Variants in ETV6 observed in about 807,000 individuals in gnomAD.
ETV6 encodes the protein transcription factor ETV6.
In ETV6, 16 loss-of-function variants were observed where a neutral mutation model predicts 51.1. The observed-to-expected ratio is 0.31, with a 90% CI of 0.21 to 0.48. The LOEUF is 0.48. ETV6 is among the 20% of genes least tolerant of loss of function. The probability of loss-of-function intolerance (pLI) is 0.99; values close to 1 mark genes in which losing one functional copy is unlikely to be tolerated. For missense variants in ETV6, 458 were observed against 594.8 expected (o/e 0.77, Z 2.39); for synonymous variants, 240 against 224.1 (o/e 1.07, Z -0.64).
At chr12:11,668,863 C>G (rs557567836) in intron 1 of ETV6, among the ~76,000 whole-genome samples, 9 of 152,268 alleles carry the variant, frequency 5.9e-5, no homozygotes, top group African/African-American at 2.2e-4. Flanking sequence ...ACGTTGTGGG[C>G]CAGCAGACTG....
chr12:11,833,056 T>C (rs1204255069), intron 2 of ETV6, among the ~76,000 whole-genome samples: 4 of 152,216 alleles, frequency 2.6e-5, no homozygotes, highest in Non-Finnish European at 5.9e-5. Context: ...TTAAAAATAA[T>C]AAGATAAAAT....
chr12:11,886,089 G>C, intron 7 of ETV6, 63 bp downstream of exon 7: 1 of 1,180,160 alleles, frequency 8.5e-7, no homozygotes, highest in South Asian at 1.2e-5. Context: ...AAATAACGGG[G>C]AGTGGGGGGA....
At chr12:11,679,752 ATG>A (rs1565483592) in intron 1 of ETV6, among the ~76,000 whole-genome samples, 3 of 152,204 alleles carry the variant, frequency 2.0e-5, no homozygotes, top group Non-Finnish European at 4.4e-5. Flanking sequence ...TTCATAGACC[ATG>A]TATCAGAGGT....
At chr12:11,746,807 T>C (rs1865918000) in intron 1 of ETV6, among the ~76,000 whole-genome samples, 1 of 151,128 alleles carries the variant, frequency 6.6e-6, no homozygotes, top group Non-Finnish European at 1.5e-5. Context: ...TTTTTTTTTT[T>C]TTTTTTAATC....
At chr12:11,732,608 T>C (rs1865622021) in intron 1 of ETV6, among the ~76,000 whole-genome samples, 1 of 152,184 alleles carries the variant, frequency 6.6e-6, no homozygotes, top group South Asian at 2.1e-4. Context: ...TCGTGCACTG[T>C]GTCGTTTGAA....
At chr12:11,827,069 C>G (rs1946164672) in intron 2 of ETV6, among the ~76,000 whole-genome samples, 1 of 122,578 alleles carries the variant, frequency 8.2e-6, no homozygotes, top group Non-Finnish European at 1.7e-5. Context: ...AGAAGTCTGT[C>G]TCACACACAC....
intron 1 of ETV6, among the ~76,000 whole-genome samples, chr12:11,704,476 A>C (rs1865037563): frequency 6.6e-6 from 1 of 152,054 alleles, no homozygotes; most frequent in African/African-American, 2.4e-5. Flanking sequence ...CCTCCCGAGC[A>C]GCTGGGATTA....
intron 2 of ETV6, among the ~76,000 whole-genome samples, chr12:11,794,636 G>A (rs1481006284): frequency 6.6e-6 from 1 of 152,154 alleles, no homozygotes; most frequent in Non-Finnish European, 1.5e-5. Flanking sequence ...TATCTCTTGA[G>A]GTATTTTCCT....
chr12:11,782,503 G>C (rs189860613), intron 2 of ETV6, among the ~76,000 whole-genome samples: 141 of 152,214 alleles, frequency 9.3e-4, no homozygotes, highest in Non-Finnish European at 1.5e-4. Flanking sequence ...CACAGTATGT[G>C]TGCATTTGTG....
At chr12:11,760,139 G>A (rs1945063998) in intron 2 of ETV6, among the ~76,000 whole-genome samples, 1 of 152,194 alleles carries the variant, frequency 6.6e-6, no homozygotes, top group African/African-American at 2.4e-5. Flanking sequence ...ATTTAAACTG[G>A]CCCTGGCTCT....
chr12:11,823,472 T>C (rs1946111206), intron 2 of ETV6, among the ~76,000 whole-genome samples: 1 of 149,424 alleles, frequency 6.7e-6, no homozygotes, highest in African/African-American at 2.4e-5. Flanking sequence ...TTTTTTTCTT[T>C]TTTTTTTTTT....
intron 2 of ETV6, among the ~76,000 whole-genome samples, chr12:11,790,399 C>T (rs61500308): frequency 0.036 from 5,509 of 152,192 alleles, 149 homozygotes; most frequent in East Asian, 0.089. Flanking sequence ...CCTGGGTGAA[C>T]GTGCTCTCTA....
chr12:11,764,105 T>G (rs1398550417), intron 2 of ETV6, among the ~76,000 whole-genome samples: 3 of 152,182 alleles, frequency 2.0e-5, no homozygotes, highest in African/African-American at 7.2e-5. Context: ...AGTAAATCAT[T>G]ATGGCAGGAG....
At chr12:11,772,019 C>G (rs1645930992) in intron 2 of ETV6, among the ~76,000 whole-genome samples, 2 of 152,186 alleles carry the variant, frequency 1.3e-5, no homozygotes, top group African/African-American at 4.8e-5. Flanking sequence ...TAGTATGATA[C>G]ATCAGCAGTA....
intron 1 of ETV6, among the ~76,000 whole-genome samples, chr12:11,738,702 C>T (rs1210710611): frequency 2.0e-5 from 3 of 152,206 alleles, no homozygotes; most frequent in South Asian, 2.1e-4. Flanking sequence ...CTAGGAACTT[C>T]GAGTCAGGTA....
chr12:11,795,480 G>C, intron 2 of ETV6, among the ~76,000 whole-genome samples: 1 of 152,258 alleles, frequency 6.6e-6, no homozygotes, highest in East Asian at 1.9e-4. Context: ...TAGAGCCAAA[G>C]TGAACAATTT....
At chr12:11,781,044 G>A (rs761247499) in intron 2 of ETV6, among the ~76,000 whole-genome samples, 1 of 152,130 alleles carries the variant, frequency 6.6e-6, no homozygotes, top group African/African-American at 2.4e-5. Context: ...TCCTAATTCT[G>A]TTTGCATGCT....
At chr12:11,831,657 G>A (rs770239046) in intron 2 of ETV6, among the ~76,000 whole-genome samples, 38 of 152,228 alleles carry the variant, frequency 2.5e-4, no homozygotes, top group Non-Finnish European at 4.4e-4. Flanking sequence ...ATATTTTTAC[G>A]TTTCATTGTA....
intron 3 of ETV6, among the ~76,000 whole-genome samples, chr12:11,850,912 C>T (rs141356005): frequency 2.0e-5 from 3 of 152,368 alleles, no homozygotes; most frequent in African/African-American, 7.2e-5. Flanking sequence ...AAGCAGCCAC[C>T]AAGAGGGGTC....
Sources: gnomAD v4.1 joint callset for allele counts (sites outside exome capture counted in the v4.1 genomes callset) on GRCh38, gnomAD v4.1.1 for gene constraint, MANE v1.5 for transcripts, NCBI Gene and HGNC (gene_info 2026-07-23, HGNC 2026-07-21) for gene names.